DYNC2H1: variants seen among roughly 807,000 people sequenced by gnomAD.
DYNC2H1 encodes dynein cytoplasmic 2 heavy chain 1, also known as cytoplasmic dynein 2 heavy chain 1.
Under a neutral mutation model 570.0 loss-of-function variants are expected in DYNC2H1, and 410 were observed. The observed-to-expected ratio is 0.72, with a 90% CI of 0.66 to 0.78. The LOEUF is 0.78. Ranked by LOEUF, DYNC2H1 falls within the 30% of genes least tolerant of loss-of-function variation. DYNC2H1 has a pLI of 0.00. For synonymous variants in DYNC2H1, 1,688 were observed against 1,677.6 expected (o/e 1.01, Z -0.15); for missense variants, 4,865 against 5,046.4 (o/e 0.96, Z 1.09).
chr11:103,217,027 T>C (rs1262024521), intron 55 of DYNC2H1, among the ~76,000 whole-genome samples: 1 of 152,198 alleles, frequency 6.6e-6, no homozygotes, highest in Admixed American at 6.6e-5. Context: ...CTGTCAATTT[T>C]ATTTCCCTGA....
At chr11:103,294,334 G>A (rs1268388220) in intron 75 of DYNC2H1, among the ~76,000 whole-genome samples, 1 of 152,114 alleles carries the variant, frequency 6.6e-6, no homozygotes, top group East Asian at 1.9e-4. Context: ...GTCTGGACTT[G>A]TTTTTACCTA....
chr11:103,474,691 T>C (rs552027060), intron 88 of DYNC2H1, among the ~76,000 whole-genome samples: 20 of 152,172 alleles, frequency 1.3e-4, no homozygotes, highest in African/African-American at 4.8e-4. Flanking sequence ...ATTGTTACAA[T>C]TATTCTATTT....
In DYNC2H1 at chr11:103,245,374, G is replaced by T. The variant is rs137853029; in HGVS notation, c.10042G>T (p.Gly3348Ter). 1.9e-6 allele frequency: 3 copies of T among 1,580,180 alleles called. No individual in the cohort carries two copies. The highest frequency in any genetic ancestry group is 1.7e-6 in the Non-Finnish European group (2 of 1,163,696). The change falls in exon 65 of 89, where the codon GGA (glycine) becomes TGA (stop). Residue 3348 changes from glycine to a stop codon, truncating the protein, a stop_gained and splice_region_variant. Transcript: ENST00000375735. LOFTEE classifies it high-confidence loss of function. This position sits in a 1 kb window ranked among gnomAD's most constrained non-coding sequence, Gnocchi z 4.5. The stretch of plus-strand genomic sequence containing the variant: ...ATTGAGACGAGATCTGGTTGCTCAA[G>T]GTAAATAATTGACACTTTCCAGAGT... ...PLLRRDLVAQGPRYVVQIGDK... is the reference protein window; with the variant it reads ...PLLRRDLVAQ
At chr11:103,429,265 A>C (rs1407410713) in intron 84 of DYNC2H1, among the ~76,000 whole-genome samples, 2 of 152,098 alleles carry the variant, frequency 1.3e-5, no homozygotes, top group African/African-American at 2.4e-5. Context: ...TGTCTCAAAA[A>C]AAAAACAAAA....
intron 84 of DYNC2H1, among the ~76,000 whole-genome samples, chr11:103,409,137 GGT>G (rs1246120348): frequency 3.3e-5 from 5 of 151,952 alleles, no homozygotes; most frequent in African/African-American, 1.2e-4. Context: ...TGGTGTTTTT[GGT>G]AAACAGGCAG....
chr11:103,318,628 A>G (rs1937994953), intron 80 of DYNC2H1, among the ~76,000 whole-genome samples: 2 of 152,072 alleles, frequency 1.3e-5, no homozygotes, highest in Admixed American at 1.3e-4. Flanking sequence ...TCTGTTGAGT[A>G]TATATGTAGG....
intron 83 of DYNC2H1, among the ~76,000 whole-genome samples, chr11:103,377,096 TG>T (rs1941423700): frequency 6.6e-6 from 1 of 152,186 alleles, no homozygotes; most frequent in Non-Finnish European, 1.5e-5. Context: ...GTAGAACTTT[TG>T]GGGTTGAATA....
rs1002425472 is a variant in DYNC2H1 at position 103,247,664 on chromosome 11, G to A, written c.10042+2290G>A. ...AAATTGTTAATACTGCTAAGGTTGA[G>A]AAACCTTAAGCTAGTTCACTAGTTC... On this transcript the variant is annotated intron_variant, in intron 65 of 88. Coordinates refer to ENST00000375735, the MANE Select transcript of DYNC2H1 (RefSeq NM_001377.3). Among the ~76,000 whole-genome samples the A allele has an allele frequency of 2.0e-5, 3 of 152,144 alleles. No homozygotes were observed. The East Asian group carries it at 5.8e-4, about 29-fold the overall frequency.
rs1204341656 is a variant in DYNC2H1, at chr11:103,241,928, A to G, written c.9820-1765A>G. ...TCTTTAATATCACCGTGTGCTAGCA[A>G]TTGTAAACAGCATTGGTGATATAAA... On this transcript the variant is annotated intron_variant, in intron 63 of 88. Transcript: ENST00000375735. The surrounding 1 kb of genome is among the most constrained non-coding windows in gnomAD (Gnocchi z 5.1). 6.6e-6 allele frequency among the ~76,000 whole-genome samples: 1 copy of G among 152,128 alleles called. No homozygotes were observed. The highest frequency in any genetic ancestry group is 2.1e-4 in the South Asian group (1 of 4,814).
Position 103,461,671 on chromosome 11 carries a change from C to T in DYNC2H1, c.12648+5315C>T, listed in dbSNP as rs558265242. Among the ~76,000 whole-genome samples, 1 of 152,000 alleles carries T rather than the reference C, an allele frequency of 6.6e-6. No individual in the cohort carries two copies. The highest frequency in any genetic ancestry group is 1.9e-4 in the East Asian group (1 of 5,168). ...AGCACATACGGGTACTATATTGTAG[C>T]TCTGCATGGAACGGTCAATTCCCTA... On this transcript the variant is annotated intron_variant, in intron 87 of 88. Transcript: ENST00000375735. This position sits in a 1 kb window ranked among gnomAD's most constrained non-coding sequence, Gnocchi z 4.8.
Position 103,311,864 on chromosome 11 carries a change from G to T in DYNC2H1, c.11494-14G>T. ...GGATTTTAGCAATAGGATGTCTGTT[G>T]ATTTTTTTTCTAGTCACCTCCAGGT... On this transcript the variant is annotated splice_polypyrimidine_tract_variant and intron_variant, in intron 78 of 88. Coordinates refer to ENST00000375735, the MANE Select transcript of DYNC2H1 (RefSeq NM_001377.3). The T allele has an allele frequency of 1.3e-6, 2 of 1,596,322 alleles. No individual in the cohort carries two copies. The highest frequency in any genetic ancestry group is 1.7e-6 in the Non-Finnish European group (2 of 1,172,228).
At chr11:103,412,731 G>T (rs527334375) in intron 84 of DYNC2H1, among the ~76,000 whole-genome samples, 1 of 152,238 alleles carries the variant, frequency 6.6e-6, no homozygotes, top group South Asian at 2.1e-4. Flanking sequence ...TAATCATTTT[G>T]AAATCATTTT....
At chr11:103,246,318 G>A (rs1864615667) in intron 65 of DYNC2H1, among the ~76,000 whole-genome samples, 1 of 151,928 alleles carries the variant, frequency 6.6e-6, no homozygotes, top group East Asian at 1.9e-4. Context: ...ATATCTTAAG[G>A]AGGAGGAAAT....
rs2135433121 is a variant in DYNC2H1 at position 103,319,091 on chromosome 11, T to C, written c.11726-1938T>C. 6.6e-6 allele frequency among the ~76,000 whole-genome samples: 1 copy of C among 152,288 alleles called. No individual in the cohort carries two copies. Among genetic ancestry groups the C allele is most frequent in the African/African-American group, 2.4e-5 (1 of 41,584 alleles). ...AATACCACTATGAGGCTATTAGTGT[T>C]AGTGCCTTTTCACAAAAGAGAAAAG... is the stretch of plus-strand genomic sequence containing the variant. On this transcript the variant is annotated intron_variant, in intron 80 of 88. Transcript: ENST00000375735. The surrounding 1 kb of genome is among the most constrained non-coding windows in gnomAD (Gnocchi z 4.3).
At chr11:103,246,495 A>C (rs1864623378) in intron 65 of DYNC2H1, among the ~76,000 whole-genome samples, 1 of 151,984 alleles carries the variant, frequency 6.6e-6, no homozygotes, top group South Asian at 2.1e-4. Context: ...AAGAGTGATA[A>C]ATTTTATATC....
rs1865977305 is a variant in DYNC2H1, at chr11:103,277,966, ATTG to A, written c.10696-2379_10696-2377del. Among the ~76,000 whole-genome samples the A allele has an allele frequency of 6.6e-6, 1 of 152,144 alleles. No individual in the cohort carries two copies. The highest frequency in any genetic ancestry group is 6.5e-5 in the Admixed American group (1 of 15,270). ...CAAGTTTTAGAAAGAAAGAAATCTC[ATTG>A]TTAATATTTCTCCTTATGTTGGCTC... is the stretch of plus-strand genomic sequence containing the variant. On this transcript the variant is annotated intron_variant, in intron 70 of 88. Coordinates refer to ENST00000375735, the MANE Select transcript of DYNC2H1 (RefSeq NM_001377.3). This position sits in a 1 kb window ranked among gnomAD's most constrained non-coding sequence, Gnocchi z 4.3.
At chr11:103,232,716 C>G (rs1336103144) in intron 60 of DYNC2H1, among the ~76,000 whole-genome samples, 1 of 151,982 alleles carries the variant, frequency 6.6e-6, no homozygotes, top group Non-Finnish European at 1.5e-5. Flanking sequence ...GTTTCCATTT[C>G]TAATACAACT....
Position 103,181,943 on chromosome 11 carries a change from A to C in DYNC2H1, c.6477+57A>C. The C allele has an allele frequency of 6.5e-7, 1 of 1,545,558 alleles. No individual in the cohort carries two copies. ...GAGGTGAGAAGTATGATTAAGAGTG[A>C]TGCTTATTTTAACTTCCTTGTGGTA... On this transcript the variant is annotated intron_variant, in intron 40 of 88. Transcript: ENST00000375735. The surrounding 1 kb of genome is among the most constrained non-coding windows in gnomAD (Gnocchi z 5.0).
chr11:103,296,051 T>C (rs1866810840), intron 75 of DYNC2H1, among the ~76,000 whole-genome samples: 1 of 152,166 alleles, frequency 6.6e-6, no homozygotes, highest in Non-Finnish European at 1.5e-5. Context: ...GCACACAGAT[T>C]CTCTCTGTGC....
Sources: gnomAD v4.1 joint callset for allele counts (sites outside exome capture counted in the v4.1 genomes callset) on GRCh38, gnomAD v4.1.1 for gene constraint, Gnocchi (gnomAD v3.1) non-coding constraint, MANE v1.5 for transcripts, NCBI Gene and HGNC (gene_info 2026-07-23, HGNC 2026-07-21) for gene names.